Variants in VPS13B observed in about 807,000 individuals in gnomAD.
VPS13B encodes vacuolar protein sorting 13 homolog B.
VPS13B carries 285 observed loss-of-function variants against 426.4 expected under a neutral mutation model. That is an observed-to-expected ratio of 0.67 (90% CI 0.61 to 0.74). VPS13B has a LOEUF of 0.74. VPS13B is among the 30% of genes least tolerant of loss of function. The probability of loss-of-function intolerance (pLI) is 0.00; values close to 1 mark genes in which losing one functional copy is unlikely to be tolerated. For missense variants in VPS13B, 4,537 were observed against 4,782.6 expected, an observed-to-expected ratio of 0.95 and a Z score of 1.51; for synonymous variants, 1,676 against 1,676.4, an observed-to-expected ratio of 1.00 and a Z score of 0.01.
At chr8:99,465,892 A>G (rs965160953) in intron 23 of VPS13B, among the ~76,000 whole-genome samples, 2 of 152,096 alleles carry the variant, frequency 1.3e-5, no homozygotes, top group Non-Finnish European at 2.9e-5. Flanking sequence ...TGCTAGGTTT[A>G]TTTTATTATG....
chr8:99,256,812 C>T (rs192503653), intron 17 of VPS13B, among the ~76,000 whole-genome samples: 3 of 152,076 alleles, frequency 2.0e-5, no homozygotes, highest in Admixed American at 2.0e-4. Context: ...AAGTGATTTG[C>T]AGATATTTTC....
chr8:99,340,404 A>G, intron 19 of VPS13B: 1 of 464,082 alleles, frequency 2.2e-6, no homozygotes, highest in Non-Finnish European at 4.3e-6. Flanking sequence ...TATTCTGCTA[A>G]AAACTTCAGA....
At chr8:99,301,570 G>A (rs1028205467) in intron 19 of VPS13B, among the ~76,000 whole-genome samples, 10 of 151,710 alleles carry the variant, frequency 6.6e-5, no homozygotes, top group Non-Finnish European at 7.4e-5. Context: ...GATTACAGGC[G>A]TGAGCCACTG....
chr8:99,395,026 CTGGACAT>C (rs1257205604), intron 21 of VPS13B, among the ~76,000 whole-genome samples: 2 of 152,176 alleles, frequency 1.3e-5, no homozygotes, highest in Admixed American at 1.3e-4. Context: ...TCCCCAGTTT[CTGGACAT>C]TGGACAATAG....
chr8:99,330,548 C>T (rs1810493784), intron 19 of VPS13B, among the ~76,000 whole-genome samples: 1 of 151,918 alleles, frequency 6.6e-6, no homozygotes, highest in Non-Finnish European at 1.5e-5. Context: ...CACCCCTACT[C>T]CTAGCCCAAA....
chr8:99,403,993 G>A (rs900245017), intron 21 of VPS13B, among the ~76,000 whole-genome samples: 1 of 152,122 alleles, frequency 6.6e-6, no homozygotes, highest in Admixed American at 6.5e-5. Flanking sequence ...TAAACACAGG[G>A]TTTATTCAAC....
intron 19 of VPS13B, among the ~76,000 whole-genome samples, chr8:99,283,870 T>C (rs1230678157): frequency 6.6e-6 from 1 of 152,234 alleles, no homozygotes; most frequent in Non-Finnish European, 1.5e-5. Flanking sequence ...TTATGATAAT[T>C]GTAAGGACAT....
At chr8:99,268,612 T>C (rs1818422822) in intron 17 of VPS13B, among the ~76,000 whole-genome samples, 1 of 152,212 alleles carries the variant, frequency 6.6e-6, no homozygotes, top group Non-Finnish European at 1.5e-5. Context: ...TTGGAATGGA[T>C]GTATTTGCCC....
chr8:99,184,747 T>G (rs1438465528), intron 16 of VPS13B, among the ~76,000 whole-genome samples: 1 of 152,200 alleles, frequency 6.6e-6, no homozygotes, highest in Admixed American at 6.5e-5. Context: ...TCCTAGCACT[T>G]TGGGAGGCAG....
chr8:99,229,004 G>A (rs892565202), intron 17 of VPS13B, among the ~76,000 whole-genome samples: 4 of 152,016 alleles, frequency 2.6e-5, no homozygotes, highest in East Asian at 3.8e-4. Flanking sequence ...TCTTCTGTGC[G>A]CTGTTAAAAA....
In VPS13B at chr8:99,156,688, T is replaced by A; in HGVS notation, c.2153T>A (p.Leu718His). Residue 718 changes from leucine to histidine, a missense_variant, in exon 15 of 62, where the codon CTT becomes CAT. This residue lies in a region of VPS13B where 4,311 missense variants were observed against 4,474.3 expected (regional missense o/e 0.96). Coordinates refer to ENST00000357162, the MANE Select transcript of VPS13B (RefSeq NM_152564.5). ...CAGTTGGTGCATGTGGTCAGCAGCCTTACTCAACCTTCTGATAACCTGCTT... is the reference window on the plus strand; with the variant it reads ...CAGTTGGTGCATGTGGTCAGCAGCCATACTCAACCTTCTGATAACCTGCTT... Reference protein sequence around the residue: ...AEQLVHVVSSLTQPSDNLLHY... With the variant: ...AEQLVHVVSSHTQPSDNLLHY... 6.2e-7 allele frequency: 1 copy of A among 1,614,088 alleles called. No individual in the cohort carries two copies. Among genetic ancestry groups the A allele is most frequent in the Non-Finnish European group, 8.5e-7 (1 of 1,179,912 alleles).
At chr8:99,859,662 T>A (rs533058927) in intron 57 of VPS13B, among the ~76,000 whole-genome samples, 182 bp downstream of exon 57, 1 of 152,296 alleles carries the variant, frequency 6.6e-6, no homozygotes, top group South Asian at 2.1e-4. Context: ...TTTGAACAGA[T>A]CACTACTTGC....
intron 36 of VPS13B, among the ~76,000 whole-genome samples, chr8:99,711,692 C>T (rs1832715639): frequency 6.6e-6 from 1 of 152,166 alleles, no homozygotes; most frequent in African/African-American, 2.4e-5. Flanking sequence ...TTAACAGAGT[C>T]AATATTAGAA....
At chr8:99,453,458 A>G (rs1425073444) in intron 23 of VPS13B, among the ~76,000 whole-genome samples, 2 of 152,222 alleles carry the variant, frequency 1.3e-5, no homozygotes, top group African/African-American at 4.8e-5. Flanking sequence ...TAGTAAAATT[A>G]AGCTGTTGCA....
At chr8:99,742,541 A>G (rs1395937317) in intron 39 of VPS13B, among the ~76,000 whole-genome samples, 1 of 152,208 alleles carries the variant, frequency 6.6e-6, no homozygotes, top group Non-Finnish European at 1.5e-5. Context: ...ATTTTAGACC[A>G]ATATCCCTGA....
intron 25 of VPS13B, among the ~76,000 whole-genome samples, chr8:99,496,570 G>C (rs1482721095): frequency 6.6e-6 from 1 of 152,060 alleles, no homozygotes; most frequent in African/African-American, 2.4e-5. Flanking sequence ...AGAATGGCGT[G>C]AACCCGGGAG....
intron 21 of VPS13B, among the ~76,000 whole-genome samples, chr8:99,425,368 T>G (rs1431239403): frequency 6.6e-6 from 1 of 152,170 alleles, no homozygotes; most frequent in East Asian, 1.9e-4. Flanking sequence ...TTATCCACCA[T>G]GATCAAGTGG....
intron 44 of VPS13B, among the ~76,000 whole-genome samples, chr8:99,816,483 A>T (rs1426501266): frequency 6.6e-6 from 1 of 152,130 alleles, no homozygotes; most frequent in African/African-American, 2.4e-5. Context: ...GGTTTAGTGG[A>T]TAAATCTGTG....
intron 31 of VPS13B, among the ~76,000 whole-genome samples, chr8:99,564,160 T>A (rs1825075912): frequency 6.6e-6 from 1 of 152,182 alleles, no homozygotes; most frequent in African/African-American, 2.4e-5. Context: ...AACTTGAAGA[T>A]CTTCTGTTCC....
Sources: gnomAD v4.1 joint callset for allele counts (sites outside exome capture counted in the v4.1 genomes callset) on GRCh38, gnomAD v4.1.1 for gene constraint, gnomAD v4.1.1 regional missense constraint, MANE v1.5 for transcripts, NCBI Gene and HGNC (gene_info 2026-07-23, HGNC 2026-07-21) for gene names.